RGS7: variants seen among roughly 807,000 people sequenced by gnomAD.
The protein encoded by RGS7 is regulator of G protein signaling 7, also known as regulator of G-protein signaling 7.
A neutral mutation model predicts 81.1 loss-of-function variants in RGS7; 27 were observed. That is an observed-to-expected ratio of 0.33 (90% CI 0.25 to 0.46). RGS7 has a LOEUF of 0.46. Ranked by LOEUF, RGS7 falls within the 20% of genes least tolerant of loss-of-function variation. The pLI is 1.00. For missense variants in RGS7, 396 were observed against 607.4 expected (o/e 0.65, Z 3.66); for synonymous variants, 208 against 207.7 (o/e 1.00, Z -0.01).
At chr1:241,279,345 A>G (rs2078378667) in intron 2 of RGS7, among the ~76,000 whole-genome samples, 1 of 152,130 alleles carries the variant, frequency 6.6e-6, no homozygotes, top group Admixed American at 6.5e-5. Context: ...ATGTTCTTTG[A>G]GGGAAAGTAA....
intron 10 of RGS7, among the ~76,000 whole-genome samples, chr1:240,819,227 AAAT>A (rs942159102): frequency 2.0e-5 from 3 of 152,188 alleles, no homozygotes; most frequent in Non-Finnish European, 4.4e-5. Context: ...TAAAGTTTTT[AAAT>A]AATAATCTAC....
At chr1:241,046,310 C>CCTCCT (rs34415623) in intron 3 of RGS7, among the ~76,000 whole-genome samples, 3 of 149,814 alleles carry the variant, frequency 2.0e-5, no homozygotes, top group African/African-American at 4.9e-5. Context: ...TGACCCCCCC[C>CCTCCT]CCCTTTTCTA....
intron 9 of RGS7, among the ~76,000 whole-genome samples, chr1:240,849,820 T>C (rs528069799): frequency 6.6e-6 from 1 of 152,218 alleles, no homozygotes; most frequent in Non-Finnish European, 1.5e-5. Context: ...GATGAGCCAA[T>C]TAAACCTCTT....
chr1:241,069,799 TC>T (rs2062320330), intron 3 of RGS7, among the ~76,000 whole-genome samples: 3 of 152,154 alleles, frequency 2.0e-5, no homozygotes, highest in Admixed American at 2.0e-4. Flanking sequence ...AATAGAAAAT[TC>T]AATTGAAACA....
intron 3 of RGS7, among the ~76,000 whole-genome samples, chr1:241,069,702 G>A (rs2062312348): frequency 6.6e-6 from 1 of 152,140 alleles, no homozygotes; most frequent in Admixed American, 6.5e-5. Context: ...AAAAATGCAG[G>A]AGAAGCACAC....
chr1:241,230,904 T>C (rs777183165), intron 2 of RGS7, among the ~76,000 whole-genome samples: 2 of 152,170 alleles, frequency 1.3e-5, no homozygotes, highest in Non-Finnish European at 2.9e-5. Context: ...GAGAGGGACA[T>C]TGTAGTGGAC....
chr1:241,291,931 C>T (rs551932807), intron 2 of RGS7, among the ~76,000 whole-genome samples: 42 of 152,118 alleles, frequency 2.8e-4, no homozygotes, highest in Non-Finnish European at 5.4e-4. Flanking sequence ...GTACAATCAC[C>T]GAACAAGCCA....
intron 18 of RGS7, among the ~76,000 whole-genome samples, chr1:240,799,227 C>T (rs947555760): frequency 6.7e-6 from 1 of 150,198 alleles, no homozygotes; most frequent in Non-Finnish European, 1.5e-5. Flanking sequence ...CACTAAGCAA[C>T]AGTGTCTGAA....
At chr1:240,864,263 A>G (rs959434116) in intron 9 of RGS7, among the ~76,000 whole-genome samples, 2 of 152,198 alleles carry the variant, frequency 1.3e-5, no homozygotes, top group African/African-American at 4.8e-5. Flanking sequence ...ACCTTTCTAT[A>G]TTATATCCAC....
intron 2 of RGS7, among the ~76,000 whole-genome samples, chr1:241,282,784 A>C (rs975943986): frequency 7.2e-5 from 11 of 152,134 alleles, no homozygotes; most frequent in Non-Finnish European, 1.3e-4. Flanking sequence ...ATGGGTGTTA[A>C]ATTTTGTCAC....
At chr1:240,798,372 T>C (rs1244322315) in intron 18 of RGS7, among the ~76,000 whole-genome samples, 1 of 152,152 alleles carries the variant, frequency 6.6e-6, no homozygotes, top group East Asian at 1.9e-4. Context: ...AACAATGCCA[T>C]TTTTCTAACC....
chr1:240,965,575 C>T (rs944148377), intron 4 of RGS7, among the ~76,000 whole-genome samples: 1 of 152,080 alleles, frequency 6.6e-6, no homozygotes, highest in Non-Finnish European at 1.5e-5. Context: ...GGAGAGTGAA[C>T]GAGGCTCACA....
At chr1:240,805,425 C>T (rs560406261) in intron 15 of RGS7, among the ~76,000 whole-genome samples, 1 of 152,084 alleles carries the variant, frequency 6.6e-6, no homozygotes, top group South Asian at 2.1e-4. Context: ...AAACACTATC[C>T]CCTCATTACA....
In RGS7 at chr1:241,163,724, G is replaced by A. The variant is rs570714387; in HGVS notation, c.79-64962C>T. On this transcript the variant is annotated intron_variant, in intron 2 of 18. Coordinates refer to ENST00000440928, the MANE Select transcript of RGS7 (RefSeq NM_001364886.1). This position sits in a 1 kb window ranked among gnomAD's most constrained non-coding sequence, Gnocchi z 4.6. Reference sequence around the variant, plus strand: ...ACCTCAAGATGGTACATAAGCTTCTGAACCCCACTGGGGAGTTGGGATAAT... The same window carrying A: ...ACCTCAAGATGGTACATAAGCTTCTAAACCCCACTGGGGAGTTGGGATAAT... Among the ~76,000 whole-genome samples, 1 of 151,954 alleles carries A rather than the reference G, an allele frequency of 6.6e-6. No homozygotes were observed. The highest frequency in any genetic ancestry group is 2.1e-4 in the South Asian group (1 of 4,820).
chr1:240,882,805 T>C (rs1486594083), intron 6 of RGS7, among the ~76,000 whole-genome samples: 2 of 152,200 alleles, frequency 1.3e-5, no homozygotes, highest in Non-Finnish European at 2.9e-5. Flanking sequence ...CATTCATCCC[T>C]AAACTACATT....
rs572002932 is a variant in RGS7, at chr1:241,195,746, G to GA, written c.79-96985dup. ...TAACAATAAGACATACAGGACTATTGAAAAAATAGTGAATTGGAAGATAGG... is the reference window on the plus strand; with the variant it reads ...TAACAATAAGACATACAGGACTATTGAAAAAAATAGTGAATTGGAAGATAGG... On this transcript the variant is annotated intron_variant, in intron 2 of 18. Transcript: ENST00000440928. 2.0e-3 allele frequency among the ~76,000 whole-genome samples: 301 copies of GA among 149,638 alleles called. 2 individuals carry two copies. Among genetic ancestry groups the GA allele is most frequent in the African/African-American group, 7.1e-3 (281 of 39,834 alleles).
At chr1:240,793,677 T>C (rs1399054322) in intron 18 of RGS7, among the ~76,000 whole-genome samples, 2 of 147,912 alleles carry the variant, frequency 1.4e-5, no homozygotes, top group East Asian at 4.0e-4. Context: ...TGGCATGATC[T>C]TGGCTCACTG....
intron 2 of RGS7, among the ~76,000 whole-genome samples, chr1:241,334,429 G>T (rs972352479): frequency 6.6e-6 from 1 of 151,966 alleles, no homozygotes; most frequent in African/African-American, 2.4e-5. Flanking sequence ...CCACAACATG[G>T]GATTCTTTGA....
chr1:240,916,499 C>G (rs1234591075), intron 6 of RGS7, among the ~76,000 whole-genome samples: 3 of 152,092 alleles, frequency 2.0e-5, no homozygotes, highest in Non-Finnish European at 4.4e-5. Flanking sequence ...TTCCCCCAGC[C>G]TCAACTTATG....
Sources: allele counts gnomAD v4.1 joint callset (sites outside exome capture counted in the v4.1 genomes callset), GRCh38; gene constraint gnomAD v4.1.1; non-coding constraint Gnocchi (gnomAD v3.1); transcripts MANE v1.5; gene names NCBI Gene and HGNC (gene_info 2026-07-23, HGNC 2026-07-21).